KIAA0232: variants seen among roughly 807,000 people sequenced by gnomAD.
KIAA0232 encodes the protein uncharacterized protein KIAA0232.
Under a neutral mutation model 122.0 loss-of-function variants are expected in KIAA0232, and 27 were observed. The ratio of observed to expected loss-of-function variants is 0.22; its 90% CI spans 0.16 to 0.31. The LOEUF is 0.31. Ranked by LOEUF, KIAA0232 falls within the 10% of genes least tolerant of loss-of-function variation. KIAA0232 has a pLI of 1.00. For missense variants in KIAA0232, 1,551 were observed against 1,634.2 expected, an observed-to-expected ratio of 0.95 and a Z score of 0.88; for synonymous variants, 613 against 587.6, an observed-to-expected ratio of 1.04 and a Z score of -0.63.
In KIAA0232 at chr4:6,880,894, G is replaced by C. The variant is rs780084406; in HGVS notation, c.4116G>C (p.Glu1372Asp). 17 of 1,607,958 alleles carry C rather than the reference G, an allele frequency of 1.1e-5. No homozygotes were observed. Among genetic ancestry groups the C allele is most frequent in the Non-Finnish European group, 1.4e-5 (17 of 1,177,092 alleles). Residue 1372 changes from glutamate (E) to aspartate (D), a missense_variant, in exon 10 of 10, where the codon GAG (glutamate) becomes GAC (aspartate). This residue lies in a region of KIAA0232 where 1,108 missense variants were observed against 1,154.8 expected (regional missense o/e 0.96). Transcript: ENST00000307659. ...CCAGCGCCAGCTCCACCTCGGAAGAGACAGGCTCAGAAGGCGGAGGCGAGT... is the reference window on the plus strand; with the variant it reads ...CCAGCGCCAGCTCCACCTCGGAAGACACAGGCTCAGAAGGCGGAGGCGAGT... Reference protein sequence around the residue: ...MCSSASSTSEETGSEGGGEWV... With the variant: ...MCSSASSTSEDTGSEGGGEWV...
At position 6,862,562 on chromosome 4, in the gene KIAA0232, TA is replaced by T; in HGVS notation, c.2183del (p.Asn728IlefsTer18). The T allele has an allele frequency of 6.2e-7, 1 of 1,613,604 alleles. No homozygotes were observed. ...GAAACACGTTCAGACAATGAAACAT[TA>T]AATATTCAGTTTGAAGAATCCACAC... ...SEETRSDNET[L>X]NIQFEESTQF... is the part of the protein sequence containing the mutation. On this transcript the variant is annotated frameshift_variant, in exon 7 of 10. Transcript: ENST00000307659. LOFTEE classifies it high-confidence loss of function.
At chr4:6,876,152 T>TCC (rs1178894106) in intron 8 of KIAA0232, among the ~76,000 whole-genome samples, 2 of 152,196 alleles carry the variant, frequency 1.3e-5, no homozygotes, top group East Asian at 3.8e-4. Context: ...TGATACATGG[T>TCC]TCAGTATGTT....
chr4:6,855,732 G>C lies in KIAA0232; in HGVS notation c.370-1432G>C. 1 of 355,294 alleles carries C rather than the reference G, an allele frequency of 2.8e-6. No homozygotes were observed. Among genetic ancestry groups the C allele is most frequent in the South Asian group, 1.1e-4 (1 of 8,780 alleles). The allele number at this position is 355,294 out of a possible 1,614,324, so 22.0% of individuals were successfully genotyped here. A position where few individuals can be genotyped will look rare whatever the true frequency, so the allele number is the denominator to read the frequency against. ...GAAGACGTTTAATAAGTGATCCCTAGAGGTTCAGTGTTCTGCATTGCGAGA... is the reference window on the plus strand; with the variant it reads ...GAAGACGTTTAATAAGTGATCCCTACAGGTTCAGTGTTCTGCATTGCGAGA... On this transcript the variant is annotated intron_variant, in intron 4 of 9. Transcript: ENST00000307659. This position sits in a 1 kb window ranked among gnomAD's most constrained non-coding sequence, Gnocchi z 4.3.
rs149631550 is a variant in KIAA0232, at chr4:6,836,511, G to C, written c.232-5556G>C. On this transcript the variant is annotated intron_variant, in intron 3 of 9. Transcript: ENST00000307659. ...TATTGTGCTTAATAATTGTATTAAG[G>C]GTTGTTTGTCCTTTTTCTTTTTTTT... is the stretch of plus-strand genomic sequence containing the variant. Among the ~76,000 whole-genome samples the C allele has an allele frequency of 8.3e-3, 1,226 of 147,068 alleles. 8 individuals carry two copies. The highest frequency in any genetic ancestry group is 0.015 in the Non-Finnish European group (983 of 66,470).
chr4:6,848,829 TC>T (rs1434778686), intron 4 of KIAA0232, among the ~76,000 whole-genome samples: 1 of 152,218 alleles, frequency 6.6e-6, no homozygotes, highest in East Asian at 1.9e-4. Flanking sequence ...CTGTGCTCTC[TC>T]TACAGACCAG....
chr4:6,816,822 G>A (rs1037951298), intron 2 of KIAA0232, among the ~76,000 whole-genome samples: 14 of 152,072 alleles, frequency 9.2e-5, no homozygotes, highest in African/African-American at 3.1e-4. Context: ...GTAGGCTTTG[G>A]TAGTTTGTAT....
rs544555615 is a variant in KIAA0232, at chr4:6,881,089, G to T, written c.*123G>T. 2 of 661,646 alleles carry T rather than the reference G, an allele frequency of 3.0e-6. No individual in the cohort carries two copies. The highest frequency in any genetic ancestry group is 4.1e-5 in the South Asian group (1 of 24,158). 41.0% of individuals were successfully genotyped at this position (661,646 alleles called of 1,614,324 possible). A position where few individuals can be genotyped will look rare whatever the true frequency, so the allele number is the denominator to read the frequency against. On this transcript the variant is annotated 3_prime_UTR_variant, in exon 10 of 10. Transcript: ENST00000307659. ...CTCTTCAATTAACTGATTCAGATTG[G>T]TAATAATTATCTTTCTCTTCTTGCT... is the stretch of plus-strand genomic sequence containing the variant.
chr4:6,877,682 C>G (rs1163951932), intron 9 of KIAA0232, among the ~76,000 whole-genome samples: 1 of 152,104 alleles, frequency 6.6e-6, no homozygotes, highest in Non-Finnish European at 1.5e-5. Flanking sequence ...CCAGTCTAGT[C>G]TTTTCACATT....
chr4:6,815,092 T>A (rs951900296), intron 2 of KIAA0232, among the ~76,000 whole-genome samples: 6 of 152,154 alleles, frequency 3.9e-5, no homozygotes, highest in Non-Finnish European at 7.4e-5. Context: ...CTTTAAAACT[T>A]TTTTATAGAA....
chr4:6,787,324 G>C (rs1044970591), intron 1 of KIAA0232, among the ~76,000 whole-genome samples: 2 of 152,066 alleles, frequency 1.3e-5, no homozygotes, highest in African/African-American at 4.8e-5. Context: ...CTTCTTAAAA[G>C]AATATTAGAA....
At chr4:6,784,937 A>ATTT (rs10563839) in intron 1 of KIAA0232, among the ~76,000 whole-genome samples, 6 of 135,526 alleles carry the variant, frequency 4.4e-5, no homozygotes, top group Non-Finnish European at 4.7e-5. Flanking sequence ...GATCAGATGA[A>ATTT]TTTTTTTTTT....
intron 2 of KIAA0232, among the ~76,000 whole-genome samples, chr4:6,807,080 A>G (rs1019789818): frequency 1.4e-5 from 2 of 145,944 alleles, no homozygotes; most frequent in Non-Finnish European, 3.0e-5. Flanking sequence ...CTATCTATCT[A>G]TTTAAGACAG....
chr4:6,820,342 A>G (rs1718363752), intron 2 of KIAA0232, among the ~76,000 whole-genome samples: 1 of 152,214 alleles, frequency 6.6e-6, no homozygotes, highest in Admixed American at 6.5e-5. Flanking sequence ...TTTAGGCTAC[A>G]TCTACCAGAT....
intron 2 of KIAA0232, among the ~76,000 whole-genome samples, chr4:6,809,592 GAGAA>G (rs754115262): frequency 1.3e-5 from 2 of 152,090 alleles, no homozygotes; most frequent in Non-Finnish European, 2.9e-5. Context: ...AATTAAGCAA[GAGAA>G]AGAAATAAAA....
In KIAA0232 at chr4:6,881,707, A is replaced by C. The variant is rs1722079335; in HGVS notation, c.*741A>C. ...CATACCCCACCCCTTACCTGCTCTCATACTGCAGTTACATTTACACCAAAA... is the reference window on the plus strand; with the variant it reads ...CATACCCCACCCCTTACCTGCTCTCCTACTGCAGTTACATTTACACCAAAA... On this transcript the variant is annotated 3_prime_UTR_variant, in exon 10 of 10. Coordinates refer to ENST00000307659, the MANE Select transcript of KIAA0232 (RefSeq NM_014743.3). 6.6e-6 allele frequency: 1 copy of C among 152,610 alleles called. No homozygotes were observed. The highest frequency in any genetic ancestry group is 6.5e-5 in the Admixed American group (1 of 15,282). The allele number at this position is 152,610 out of a possible 1,614,324, so 9.5% of individuals were successfully genotyped here.
chr4:6,815,674 C>T (rs901653112), intron 2 of KIAA0232, among the ~76,000 whole-genome samples: 10 of 152,184 alleles, frequency 6.6e-5, no homozygotes, highest in African/African-American at 2.2e-4. Context: ...ACTTGTCAGC[C>T]TTTACTTTCT....
At chr4:6,854,213 C>T (rs1237453996) in intron 4 of KIAA0232, among the ~76,000 whole-genome samples, 2 of 152,136 alleles carry the variant, frequency 1.3e-5, no homozygotes, top group Non-Finnish European at 2.9e-5. Flanking sequence ...ACTAAGGTGA[C>T]AGGGACTCTG....
intron 2 of KIAA0232, among the ~76,000 whole-genome samples, chr4:6,811,455 C>G (rs1356917986): frequency 1.3e-5 from 2 of 152,030 alleles, no homozygotes; most frequent in African/African-American, 4.8e-5. Flanking sequence ...TTTGCTTTTT[C>G]TTTCTGAGAC....
intron 2 of KIAA0232, among the ~76,000 whole-genome samples, chr4:6,822,445 CT>C (rs1490093092): frequency 2.0e-5 from 3 of 152,044 alleles, no homozygotes; most frequent in Non-Finnish European, 4.4e-5. Flanking sequence ...TGGTATTTGT[CT>C]TTCTGACTTG....
Sources: allele counts gnomAD v4.1 joint callset (sites outside exome capture counted in the v4.1 genomes callset), GRCh38; gene constraint gnomAD v4.1.1; regional missense constraint gnomAD v4.1.1; non-coding constraint Gnocchi (gnomAD v3.1); transcripts MANE v1.5; gene names NCBI Gene and HGNC (gene_info 2026-07-23, HGNC 2026-07-21).